RAD51AP1: variants seen among roughly 807,000 people sequenced by gnomAD.
RAD51AP1 encodes RAD51 associated protein 1.
Under a neutral mutation model 34.3 loss-of-function variants are expected in RAD51AP1, and 14 were observed. The observed-to-expected ratio is 0.41, with a 90% CI of 0.27 to 0.64. The LOEUF (loss-of-function observed/expected upper bound fraction) is 0.64. RAD51AP1 is among the 30% of genes least tolerant of loss of function. The probability of loss-of-function intolerance (pLI) is 0.33; values close to 1 mark genes in which losing one functional copy is unlikely to be tolerated. For missense variants in RAD51AP1, 348 were observed against 386.9 expected (o/e 0.90, Z 0.84); for synonymous variants, 114 against 129.8 (o/e 0.88, Z 0.83).
At chr12:4,541,979 T>C in intron 2 of RAD51AP1, 46 bp downstream of exon 2, 1 of 1,288,102 alleles carries the variant, frequency 7.8e-7, no homozygotes, top group Non-Finnish European at 1.1e-6. Context: ...GGAAACTCAT[T>C]TCCTCGGAAT....
chr12:4,543,740 G>T (rs2137248039), intron 2 of RAD51AP1, 23 bp from the exon 3 acceptor site: 2 of 1,486,250 alleles, frequency 1.3e-6, no homozygotes, highest in Non-Finnish European at 1.8e-6. Flanking sequence ...TTTTTCTTTT[G>T]GTTTTAATTC....
Position 4,548,788 on chromosome 12 carries a change from G to T in RAD51AP1, c.508G>T (p.Gly170Cys), listed in dbSNP as rs1193875309. The T allele has an allele frequency of 1.9e-6, 3 of 1,613,990 alleles. No individual in the cohort carries two copies. Among genetic ancestry groups the T allele is most frequent in the Non-Finnish European group, 2.5e-6 (3 of 1,179,978 alleles). ...AAQQRKILLE[G>C]SDGDSANDTE... The stretch of plus-strand genomic sequence containing the variant: ...ACAGCAGAGGAAGATTCTTCTGGAA[G>T]GCAGTGATGGTGATAGTGCTAATGA... Residue 170 changes from glycine to cysteine, a missense_variant, in exon 6 of 9, where the codon GGC becomes TGC. Transcript: ENST00000352618.
At chr12:4,554,662 GA>G (rs1944569973) in intron 7 of RAD51AP1, among the ~76,000 whole-genome samples, 1 of 152,146 alleles carries the variant, frequency 6.6e-6, no homozygotes, top group Non-Finnish European at 1.5e-5. Context: ...CTTCACAACT[GA>G]GATTTAATAT....
intron 7 of RAD51AP1, among the ~76,000 whole-genome samples, chr12:4,554,266 T>C (rs907390198): frequency 6.6e-6 from 1 of 152,204 alleles, no homozygotes; most frequent in African/African-American, 2.4e-5. Flanking sequence ...GCAGGGACTT[T>C]CTCACATCAT....
chr12:4,545,941 A>G (rs1181849740), intron 3 of RAD51AP1: 1 of 1,309,784 alleles, frequency 7.6e-7, no homozygotes, highest in South Asian at 1.4e-5. Flanking sequence ...GCTAAAGGGG[A>G]GTGGGTGAGG....
At chr12:4,556,301 T>C (rs757742300) in intron 7 of RAD51AP1, 52 bp from the exon 8 acceptor site, 3 of 1,360,132 alleles carry the variant, frequency 2.2e-6, no homozygotes, top group Non-Finnish European at 3.1e-6. Context: ...TATGCTAGAC[T>C]TACTTTTTCT....
chr12:4,558,458 G>C (rs1944597979), intron 8 of RAD51AP1, among the ~76,000 whole-genome samples: 3 of 152,104 alleles, frequency 2.0e-5, no homozygotes, highest in Admixed American at 2.0e-4. Flanking sequence ...ATTTTTAAAG[G>C]TATTTAATAA....
intron 8 of RAD51AP1, among the ~76,000 whole-genome samples, chr12:4,558,271 A>T (rs1944596375): frequency 6.6e-6 from 1 of 152,208 alleles, no homozygotes; most frequent in Non-Finnish European, 1.5e-5. Context: ...AGTCTGAGTT[A>T]TAGGGTAGCA....
At chr12:4,542,061 T>G (rs978910012) in intron 2 of RAD51AP1, 128 bp downstream of exon 2, 4 of 460,718 alleles carry the variant, frequency 8.7e-6, no homozygotes, top group African/African-American at 8.1e-5. Flanking sequence ...GGAAAGATAG[T>G]TTTCTAATCA....
At chr12:4,554,093 G>A (rs569983249) in intron 7 of RAD51AP1, among the ~76,000 whole-genome samples, 40 of 152,062 alleles carry the variant, frequency 2.6e-4, no homozygotes, top group Non-Finnish European at 4.3e-4. Context: ...GAAATTCTGA[G>A]TATCAGAAGT....
chr12:4,547,210 G>A (rs1027099338), intron 4 of RAD51AP1, among the ~76,000 whole-genome samples: 1 of 152,178 alleles, frequency 6.6e-6, no homozygotes, highest in Non-Finnish European at 1.5e-5. Context: ...CGGGACTACA[G>A]GCATGTGCCG....
chr12:4,552,366 C>T (rs894502345), intron 6 of RAD51AP1, among the ~76,000 whole-genome samples: 2 of 152,096 alleles, frequency 1.3e-5, no homozygotes, highest in Non-Finnish European at 2.9e-5. Flanking sequence ...TATTTTGCCA[C>T]GAAGTGCAGA....
intron 3 of RAD51AP1, chr12:4,545,409 G>C: frequency 3.2e-6 from 1 of 312,222 alleles, no homozygotes; most frequent in Non-Finnish European, 6.3e-6. Flanking sequence ...GGGGAGAGGG[G>C]TAAACAGGAA....
intron 4 of RAD51AP1, 139 bp from the exon 5 acceptor site, chr12:4,547,953 T>C: frequency 1.1e-6 from 1 of 877,652 alleles, no homozygotes; most frequent in Non-Finnish European, 1.7e-6. Flanking sequence ...TTAACCTCTC[T>C]GAATAAAATT....
chr12:4,542,947 G>A (rs1014331388), intron 2 of RAD51AP1, among the ~76,000 whole-genome samples: 1 of 152,140 alleles, frequency 6.6e-6, no homozygotes, highest in Non-Finnish European at 1.5e-5. Flanking sequence ...TTATGGTAAT[G>A]GAAAGAGAAA....
At chr12:4,551,642 C>T (rs544233829) in intron 6 of RAD51AP1, among the ~76,000 whole-genome samples, 14 of 152,142 alleles carry the variant, frequency 9.2e-5, no homozygotes, top group African/African-American at 3.1e-4. Flanking sequence ...AGATACTGCT[C>T]TATATTAAAA....
intron 3 of RAD51AP1, 56 bp downstream of exon 3, chr12:4,543,960 GAC>G: frequency 7.1e-7 from 1 of 1,406,580 alleles, no homozygotes. Flanking sequence ...ATTTTAAAGA[GAC>G]ACAGATTCGA....
intron 3 of RAD51AP1, chr12:4,545,404 GA>G: frequency 6.3e-6 from 2 of 317,830 alleles, no homozygotes; most frequent in Non-Finnish European, 1.2e-5. Flanking sequence ...TAGGAGGGGA[GA>G]GGGGTAAACA....
At position 4,558,914 on chromosome 12, in the gene RAD51AP1, C is replaced by T. The variant is rs1256541722; in HGVS notation, c.929C>T (p.Ser310Phe). Residue 310 changes from serine (S) to phenylalanine (F), a missense_variant, in exon 9 of 9, where the codon TCT becomes TTT. Physicochemically the swap from Ser to Phe is radical, Grantham distance 155. Transcript: ENST00000352618. Reference protein sequence around the residue: ...SSPLVVVSVKSPNQSLRLGLS... With the variant: ...SSPLVVVSVKFPNQSLRLGLS... Reference sequence around the variant, plus strand: ...CCACTGGTGGTAGTGTCTGTGAAGTCTCCCAATCAGAGTCTCCGCCTTGGC... The same window carrying T: ...CCACTGGTGGTAGTGTCTGTGAAGTTTCCCAATCAGAGTCTCCGCCTTGGC... 1.2e-6 allele frequency: 2 copies of T among 1,614,028 alleles called. No individual in the cohort carries two copies. The highest frequency in any genetic ancestry group is 1.7e-6 in the Non-Finnish European group (2 of 1,179,992).
Sources: gnomAD v4.1 joint callset for allele counts (sites outside exome capture counted in the v4.1 genomes callset) on GRCh38, gnomAD v4.1.1 for gene constraint, MANE v1.5 for transcripts, NCBI Gene and HGNC (gene_info 2026-07-23, HGNC 2026-07-21) for gene names.